PTPRK: variants seen among roughly 807,000 people sequenced by gnomAD.
The protein encoded by PTPRK is receptor-type tyrosine-protein phosphatase kappa.
Under a neutral mutation model 178.0 loss-of-function variants are expected in PTPRK, and 75 were observed. The ratio of observed to expected loss-of-function variants is 0.42; its 90% confidence interval spans 0.35 to 0.51. The LOEUF is 0.51. Among genes scored for constraint, PTPRK ranks in the 20% least tolerant of loss-of-function variants. The pLI is 0.02. For synonymous variants in PTPRK, 637 were observed against 620.6 expected (o/e 1.03, Z -0.39); for missense variants, 1,441 against 1,797.8 (o/e 0.80, Z 3.59).
intron 2 of PTPRK, among the ~76,000 whole-genome samples, chr6:128,351,342 C>A (rs1010278830): frequency 6.6e-6 from 1 of 152,126 alleles, no homozygotes; most frequent in Non-Finnish European, 1.5e-5. Context: ...CGAATTTAAA[C>A]AGGACATGTT....
At chr6:128,146,193 A>C (rs1349157449) in intron 7 of PTPRK, among the ~76,000 whole-genome samples, 2 of 152,154 alleles carry the variant, frequency 1.3e-5, no homozygotes, top group Non-Finnish European at 1.5e-5. Flanking sequence ...AAGGCTAGTG[A>C]CATTGATATT....
At chr6:128,248,863 G>C (rs1295001473) in intron 3 of PTPRK, among the ~76,000 whole-genome samples, 3 of 152,168 alleles carry the variant, frequency 2.0e-5, no homozygotes, top group Admixed American at 2.0e-4. Flanking sequence ...TTTAAGGTAA[G>C]AAACACTTAA....
intron 7 of PTPRK, among the ~76,000 whole-genome samples, chr6:128,121,290 C>G (rs1792420040): frequency 6.6e-6 from 1 of 151,936 alleles, no homozygotes; most frequent in South Asian, 2.1e-4. Flanking sequence ...CAATATCACT[C>G]CCAGTAGGGA....
intron 7 of PTPRK, among the ~76,000 whole-genome samples, chr6:128,158,006 T>C (rs1798173074): frequency 6.6e-6 from 1 of 152,054 alleles, no homozygotes; most frequent in East Asian, 1.9e-4. Flanking sequence ...CATGAAGTCC[T>C]TGCCCATGCC....
intron 17 of PTPRK, 139 bp downstream of exon 17, chr6:127,996,762 A>C: frequency 8.8e-7 from 1 of 1,134,742 alleles, no homozygotes; most frequent in South Asian, 1.7e-5. Flanking sequence ...TGAGCCCTCA[A>C]GCCTGATTGT....
chr6:128,185,624 AC>A (rs1329045590), intron 6 of PTPRK, among the ~76,000 whole-genome samples: 1 of 152,130 alleles, frequency 6.6e-6, no homozygotes, highest in Non-Finnish European at 1.5e-5. Context: ...AAGTCAAAAG[AC>A]CTAAAGAAAG....
chr6:128,488,537 C>T (rs1369230759), intron 1 of PTPRK, among the ~76,000 whole-genome samples: 1 of 152,196 alleles, frequency 6.6e-6, no homozygotes, highest in African/African-American at 2.4e-5. Context: ...TGCCTACTCT[C>T]TAGGAGCCAA....
intron 7 of PTPRK, among the ~76,000 whole-genome samples, chr6:128,147,644 A>C (rs1796681032): frequency 6.6e-6 from 1 of 152,178 alleles, no homozygotes; most frequent in South Asian, 2.1e-4. Context: ...CATTGATGTG[A>C]GGGTTGGCCA....
intron 5 of PTPRK, among the ~76,000 whole-genome samples, chr6:128,236,857 C>G (rs908635899): frequency 6.6e-6 from 1 of 152,106 alleles, no homozygotes; most frequent in Non-Finnish European, 1.5e-5. Flanking sequence ...CCAATTCTTA[C>G]AAGAAAGAAC....
chr6:128,114,263 G>A (rs1378111789), intron 7 of PTPRK, among the ~76,000 whole-genome samples: 2 of 151,992 alleles, frequency 1.3e-5, no homozygotes, highest in Non-Finnish European at 2.9e-5. Flanking sequence ...AGGAGGCAAG[G>A]CATGTATTAC....
chr6:128,209,215 G>A (rs1004150011), intron 6 of PTPRK, among the ~76,000 whole-genome samples: 16 of 152,058 alleles, frequency 1.1e-4, no homozygotes, highest in African/African-American at 3.6e-4. Context: ...TAATATGTAA[G>A]TAACCTACTT....
At chr6:128,190,371 AT>A (rs1478894468) in intron 6 of PTPRK, among the ~76,000 whole-genome samples, 2 of 151,910 alleles carry the variant, frequency 1.3e-5, no homozygotes, top group African/African-American at 4.8e-5. Context: ...AATTCTATAA[AT>A]TTTTTAATCT....
At chr6:128,468,574 G>A (rs2128416910) in intron 1 of PTPRK, among the ~76,000 whole-genome samples, 1 of 152,074 alleles carries the variant, frequency 6.6e-6, no homozygotes, top group African/African-American at 2.4e-5. Context: ...ATTGTCATGA[G>A]TAGAAAACTT....
chr6:128,153,167 A>G (rs1797512601), intron 7 of PTPRK, among the ~76,000 whole-genome samples: 1 of 152,054 alleles, frequency 6.6e-6, no homozygotes, highest in Non-Finnish European at 1.5e-5. Context: ...AAGATAAAAT[A>G]TAAATAACTG....
At chr6:128,155,248 G>A (rs1008383705) in intron 7 of PTPRK, among the ~76,000 whole-genome samples, 3 of 151,520 alleles carry the variant, frequency 2.0e-5, no homozygotes, top group South Asian at 2.1e-4. Flanking sequence ...CGTAGGTGTC[G>A]TATACTTCTA....
intron 1 of PTPRK, among the ~76,000 whole-genome samples, chr6:128,402,012 A>C (rs1279162373): frequency 2.0e-5 from 3 of 152,206 alleles, no homozygotes; most frequent in African/African-American, 7.2e-5. Flanking sequence ...ATTAGGACAC[A>C]TGCAATACTG....
intron 7 of PTPRK, among the ~76,000 whole-genome samples, chr6:128,159,712 A>G (rs1798419728): frequency 6.6e-6 from 1 of 151,736 alleles, no homozygotes; most frequent in African/African-American, 2.4e-5. Context: ...CTTGTACAGG[A>G]CCTCTAAAAG....
intron 7 of PTPRK, among the ~76,000 whole-genome samples, chr6:128,135,200 G>A (rs1270477402): frequency 6.6e-6 from 1 of 151,822 alleles, no homozygotes; most frequent in Non-Finnish European, 1.5e-5. Context: ...TCTTAGATAA[G>A]GCAAGGTCTA....
At position 128,513,104 on chromosome 6, in the gene PTPRK, T is replaced by C. The variant is rs528954120; in HGVS notation, c.100+7155A>G. ...GAAAATATTTTTTTTCAAAGTCATC[T>C]GAGCATTCTTTTAAAAAGCTTGTAT... On this transcript the variant is annotated intron_variant, in intron 1 of 29. Transcript: ENST00000368226. Among the ~76,000 whole-genome samples, 8 of 152,308 alleles carry C rather than the reference T, an allele frequency of 5.3e-5. 1 individual carries two copies. The highest frequency in any genetic ancestry group is 1.9e-4 in the African/African-American group (8 of 41,568).
Sources: gnomAD v4.1 joint callset for allele counts (sites outside exome capture counted in the v4.1 genomes callset) on GRCh38, gnomAD v4.1.1 for gene constraint, MANE v1.5 for transcripts, NCBI Gene and HGNC (gene_info 2026-07-23, HGNC 2026-07-21) for gene names.